The following QTGAL variants were observed in gnomAD, a reference collection of about 807,000 sequenced individuals.
QTGAL encodes the protein BGnT-like protein 1.
At chr17:82,997,367 C>CA in the QTGAL span, among the ~76,000 whole-genome samples, 2 of 151,966 alleles carry the variant, frequency 1.3e-5, no homozygotes, top group African/African-American at 2.4e-5. Flanking sequence ...GGCTTTTATC[C>CA]AAAAAATCAG....
chr17:82,999,292 TTGTACATATGTTCACTGTCATGC>T, the QTGAL span, among the ~76,000 whole-genome samples: 1 of 151,828 alleles, frequency 6.6e-6, no homozygotes, highest in African/African-American at 2.4e-5. Flanking sequence ...ACACAAAGGC[TTGTACATATGTTCACTGTCATGC>T]ACAAAGGCTT....
At chr17:82,970,332 T>C in the QTGAL span, among the ~76,000 whole-genome samples, 1 of 152,256 alleles carries the variant, frequency 6.6e-6, no homozygotes, top group African/African-American at 2.4e-5. Context: ...AAATACAGCC[T>C]TCCCTCAACC....
chr17:82,961,739 C>T, the QTGAL span, among the ~76,000 whole-genome samples: 2 of 152,240 alleles, frequency 1.3e-5, no homozygotes, highest in African/African-American at 4.8e-5. Context: ...AACCTCAGCC[C>T]ACGGGGCTTA....
chr17:82,959,564 T>C, the QTGAL span, among the ~76,000 whole-genome samples: 2 of 151,938 alleles, frequency 1.3e-5, no homozygotes, highest in South Asian at 4.2e-4. Flanking sequence ...TTTGGCATCT[T>C]GTCCTTAGCA....
the QTGAL span, among the ~76,000 whole-genome samples, chr17:83,009,599 T>C: frequency 1.3e-5 from 2 of 152,180 alleles, no homozygotes; most frequent in African/African-American, 4.8e-5. Context: ...TCCCCGTGGA[T>C]TCGCCACAGA....
At chr17:82,945,239 A>AT in the QTGAL span, 1 of 152,194 alleles carries the variant, frequency 6.6e-6, no homozygotes, top group African/African-American at 2.4e-5. Context: ...ATCTGAAAAC[A>AT]TTATCCAGAG....
chr17:82,988,636 T>C, the QTGAL span, among the ~76,000 whole-genome samples: 1 of 152,306 alleles, frequency 6.6e-6, no homozygotes, highest in East Asian at 1.9e-4. Context: ...ATCTGGAATC[T>C]ACAAGGAACT....
At chr17:82,994,299 GAA>G in the QTGAL span, among the ~76,000 whole-genome samples, 1 of 152,066 alleles carries the variant, frequency 6.6e-6, no homozygotes, top group Admixed American at 6.5e-5. Flanking sequence ...AATCAGGGAT[GAA>G]AAGAGAGACA....
chr17:82,962,848 G>GC, the QTGAL span, among the ~76,000 whole-genome samples: 5 of 151,936 alleles, frequency 3.3e-5, no homozygotes, highest in African/African-American at 1.2e-4. Flanking sequence ...GTCAACAGCC[G>GC]CTCCCGGGTG....
At chr17:83,017,570 T>C in the QTGAL span, among the ~76,000 whole-genome samples, 1 of 152,106 alleles carries the variant, frequency 6.6e-6, no homozygotes, top group African/African-American at 2.4e-5. Flanking sequence ...TGCAGTGAGC[T>C]GAGATCACGC....
chr17:82,951,895 A>G, the QTGAL span, among the ~76,000 whole-genome samples: 2,222 of 152,022 alleles, frequency 0.015, 51 homozygotes, highest in African/African-American at 0.052. Flanking sequence ...GCCCCGAGAT[A>G]GTAGTGACAC....
At chr17:82,957,304 T>G in the QTGAL span, 1 of 1,614,032 alleles carries the variant, frequency 6.2e-7, no homozygotes, top group Non-Finnish European at 8.5e-7. Context: ...GGGCCTGTGC[T>G]GTGGGACAGT....
the QTGAL span, among the ~76,000 whole-genome samples, chr17:82,973,223 C>A: frequency 6.6e-6 from 1 of 152,170 alleles, no homozygotes; most frequent in African/African-American, 2.4e-5. Context: ...AAGCTGGAGA[C>A]GCCCTGGTGG....
chr17:82,963,863 T>C, the QTGAL span, among the ~76,000 whole-genome samples: 1 of 152,168 alleles, frequency 6.6e-6, no homozygotes, highest in Non-Finnish European at 1.5e-5. Flanking sequence ...AAAATTGAAT[T>C]GCACATTTTA....
At chr17:83,035,266 G>A in the QTGAL span, among the ~76,000 whole-genome samples, 5 of 151,228 alleles carry the variant, frequency 3.3e-5, no homozygotes, top group East Asian at 1.9e-4. Context: ...TGCAACCTCC[G>A]CCTCCTGGGT....
At chr17:82,976,952 C>T in the QTGAL span, among the ~76,000 whole-genome samples, 1 of 150,132 alleles carries the variant, frequency 6.7e-6, no homozygotes, top group Non-Finnish European at 1.5e-5. Context: ...ACGAGGGCCC[C>T]GGGACAGAGC....
At chr17:83,033,344 C>G in the QTGAL span, among the ~76,000 whole-genome samples, 2 of 152,026 alleles carry the variant, frequency 1.3e-5, no homozygotes, top group South Asian at 4.2e-4. Flanking sequence ...TCTTTGTATC[C>G]AAATCGTTCT....
the QTGAL span, chr17:82,956,909 A>G: frequency 9.1e-7 from 1 of 1,094,276 alleles, no homozygotes; most frequent in Non-Finnish European, 1.4e-6. This position sits in a 1 kb window ranked among gnomAD's most constrained non-coding sequence, Gnocchi z 5.7. Context: ...AGGGTCACAG[A>G]CTGCGGCAGG....
chr17:82,988,774 G>A, the QTGAL span, among the ~76,000 whole-genome samples: 1 of 147,368 alleles, frequency 6.8e-6, no homozygotes, highest in Admixed American at 7.0e-5. Context: ...CTGATCATCA[G>A]AGAATTGAAA....
Sources: allele counts gnomAD v4.1 joint callset (sites outside exome capture counted in the v4.1 genomes callset), GRCh38; gene constraint gnomAD v4.1.1; non-coding constraint Gnocchi (gnomAD v3.1); transcripts MANE v1.5; gene names NCBI Gene and HGNC (gene_info 2026-07-23, HGNC 2026-07-21).